OSBPL5: variants seen among roughly 807,000 people sequenced by gnomAD.
The protein encoded by OSBPL5 is oxysterol binding protein like 5, also known as oxysterol-binding protein-related protein 5.
Under a neutral mutation model 111.2 loss-of-function variants are expected in OSBPL5, and 71 were observed. That is an observed-to-expected ratio of 0.64 (90% CI 0.53 to 0.78). The LOEUF is 0.78. Among genes scored for constraint, OSBPL5 ranks in the 30% least tolerant of loss-of-function variants. OSBPL5 has a pLI of 0.00. For missense variants in OSBPL5, 1,210 were observed against 1,189.3 expected, an observed-to-expected ratio of 1.02 and a Z score of -0.26; for synonymous variants, 549 against 513.9, an observed-to-expected ratio of 1.07 and a Z score of -0.93.
chr11:3,103,818 GCGCAGCCCCC>G (rs1564830441), intron 10 of OSBPL5, among the ~76,000 whole-genome samples: 28 of 26,026 alleles, frequency 1.1e-3, no homozygotes, highest in African/African-American at 2.2e-3. Context: ...CTTCCTGCCT[GCGCAGCCCCC>G]TTCCAGCCTC....
intron 19 of OSBPL5, among the ~76,000 whole-genome samples, chr11:3,091,706 G>A (rs1040448896): frequency 1.3e-5 from 2 of 152,182 alleles, no homozygotes; most frequent in Non-Finnish European, 2.9e-5. Flanking sequence ...TCCCTTGGCA[G>A]GCAGAGCATG....
chr11:3,125,963 C>T (rs1858608743), intron 3 of OSBPL5, among the ~76,000 whole-genome samples: 1 of 152,174 alleles, frequency 6.6e-6, no homozygotes, highest in African/African-American at 2.4e-5. Flanking sequence ...GCCTGGGTGA[C>T]AGAGGGAGAC....
In OSBPL5 at chr11:3,094,289, G is replaced by C; in HGVS notation, c.1667C>G (p.Thr556Ser). 3.1e-6 allele frequency: 5 copies of C among 1,613,610 alleles called. No homozygotes were observed. Among genetic ancestry groups the C allele is most frequent in the Non-Finnish European group, 4.2e-6 (5 of 1,179,990 alleles). ...GAAGTTGTTCTTCGCACACTCGATGGTGACCTTCCCACCCAGCTCCAGGGT... is the reference window on the plus strand; with the variant it reads ...GAAGTTGTTCTTCGCACACTCGATGCTGACCTTCCCACCCAGCTCCAGGGT... ...TMTLELGGKVTIECAKNNFQA... is the reference protein window; with the variant it reads ...TMTLELGGKVSIECAKNNFQA... Residue 556 changes from threonine (T) to serine (S), a missense_variant, in exon 15 of 22, where the codon ACC becomes AGC. Physicochemically the swap from Thr to Ser is moderately conservative, Grantham distance 58. Transcript: ENST00000263650.
rs1846989333 is a variant in OSBPL5 at position 3,162,305 on chromosome 11, G to A, written c.-22+2911C>T. ...GAGGTGGGCTGGGAGGCCGAGCAAAGCATTTGCTCTCAGCCTGGGTGGCTC... is the reference window on the plus strand; with the variant it reads ...GAGGTGGGCTGGGAGGCCGAGCAAAACATTTGCTCTCAGCCTGGGTGGCTC... On this transcript the variant is annotated intron_variant, in intron 1 of 21. Transcript: ENST00000263650. The surrounding 1 kb of genome is among the most constrained non-coding windows in gnomAD (Gnocchi z 8.1). 1.3e-5 allele frequency among the ~76,000 whole-genome samples: 2 copies of A among 152,036 alleles called. No individual in the cohort carries two copies. The highest frequency in any genetic ancestry group is 1.3e-4 in the Admixed American group (2 of 15,272).
At chr11:3,093,353 C>A in intron 17 of OSBPL5, 174 bp downstream of exon 17, 1 of 1,065,156 alleles carries the variant, frequency 9.4e-7, no homozygotes, top group Non-Finnish European at 1.3e-6. Flanking sequence ...CACACCCCTT[C>A]CCTCCATCTG....
At chr11:3,100,971 CTTT>C (rs1196891233) in intron 13 of OSBPL5, among the ~76,000 whole-genome samples, 3 of 123,428 alleles carry the variant, frequency 2.4e-5, no homozygotes, top group African/African-American at 3.0e-5. Flanking sequence ...AGTTTCATTT[CTTT>C]TTTTTTTTTT....
At position 3,088,305 on chromosome 11, in the gene OSBPL5, G is replaced by T. The variant is rs746868098; in HGVS notation, c.2540C>A (p.Ala847Glu). 1 of 1,603,070 alleles carries T rather than the reference G, an allele frequency of 6.2e-7. No homozygotes were observed. The highest frequency in any genetic ancestry group is 1.7e-5 in the Admixed American group (1 of 58,792). ...CAGGAGGCCTGGGGTCGGTGCCTGT[G>T]CTGCCCGTGCCGTGGAGCTCAGCAT... is the stretch of plus-strand genomic sequence containing the variant. ...SAMLSSTARA[A>E]QAPTPGLLQS... Residue 847 changes from alanine (A) to glutamate (E), a missense_variant, in exon 22 of 22, where the codon GCA becomes GAA. Ala to Glu is a moderately radical substitution (Grantham distance 107). Coordinates refer to ENST00000263650, the MANE Select transcript of OSBPL5 (RefSeq NM_020896.4).
In OSBPL5 at chr11:3,100,219, C is replaced by A. The variant is rs1377927095; in HGVS notation, c.1560G>T (p.Thr520=). The change falls in exon 14 of 22, where the codon ACG becomes ACT. Residue 520 remains threonine (T), a synonymous_variant. Coordinates refer to ENST00000263650, the MANE Select transcript of OSBPL5 (RefSeq NM_020896.4). ...CCTCGGCTCGGTTCAGGAAGGTGAG[C>A]GTGGCTTTGCCGTCCAGCAGCGCCG... ...SLSALLDGKA[T]LTFLNRAEDY... is the part of the protein sequence containing the mutation. 1 of 1,613,978 alleles carries A rather than the reference C, an allele frequency of 6.2e-7. No individual in the cohort carries two copies. The highest frequency in any genetic ancestry group is 1.1e-5 in the South Asian group (1 of 91,090).
At position 3,126,646 on chromosome 11, in the gene OSBPL5, G is replaced by A; in HGVS notation, c.137-91C>T. 1 of 1,146,374 alleles carries A rather than the reference G, an allele frequency of 8.7e-7. No homozygotes were observed. Among genetic ancestry groups the A allele is most frequent in the South Asian group, 1.5e-5 (1 of 65,982 alleles). The allele number at this position is 1,146,374 out of a possible 1,614,324, so 71.0% of individuals were successfully genotyped here. The stretch of plus-strand genomic sequence containing the variant: ...CCTGGTGTGAGGCAGGCGAAGCGTG[G>A]GTGCGGATGACCTGGGAGGGGCAGG... On this transcript the variant is annotated intron_variant, in intron 2 of 21. Transcript: ENST00000263650. The surrounding 1 kb of genome is among the most constrained non-coding windows in gnomAD (Gnocchi z 6.5).
chr11:3,102,848 A>T (rs1397151859), intron 11 of OSBPL5, among the ~76,000 whole-genome samples: 4 of 152,134 alleles, frequency 2.6e-5, no homozygotes, highest in Non-Finnish European at 5.9e-5. Flanking sequence ...TGGGGTTCTA[A>T]AAGGGGTTTC....
At chr11:3,125,710 CA>C (rs1447914687) in intron 3 of OSBPL5, among the ~76,000 whole-genome samples, 2 of 149,554 alleles carry the variant, frequency 1.3e-5, no homozygotes, top group Non-Finnish European at 2.9e-5. Context: ...GAGGCTGAGG[CA>C]GGGGCATGGT....
At position 3,092,264 on chromosome 11, in the gene OSBPL5, C is replaced by T. The variant is rs1365618424; in HGVS notation, c.2259+168G>A. Among the ~76,000 whole-genome samples the T allele has an allele frequency of 6.6e-6, 1 of 152,156 alleles. No homozygotes were observed. Among genetic ancestry groups the T allele is most frequent in the Non-Finnish European group, 1.5e-5 (1 of 68,026 alleles). On this transcript the variant is annotated intron_variant, in intron 19 of 21. Coordinates refer to ENST00000263650, the MANE Select transcript of OSBPL5 (RefSeq NM_020896.4). This position sits in a 1 kb window ranked among gnomAD's most constrained non-coding sequence, Gnocchi z 5.4. ...CTGAGCATCCTGCAAATCCCGGTTT[C>T]CTGAGTCCCATGCTCGGCAGAGAAG...
In OSBPL5 at chr11:3,126,979, C is replaced by A. The variant is rs1028967565; in HGVS notation, c.137-424G>T. ...CCTGGCTGGATGCTGCCGGCCCCTG[C>A]GTGCTGGGCTCTTGCTGGGAGGTGG... On this transcript the variant is annotated intron_variant, in intron 2 of 21. Coordinates refer to ENST00000263650, the MANE Select transcript of OSBPL5 (RefSeq NM_020896.4). This position sits in a 1 kb window ranked among gnomAD's most constrained non-coding sequence, Gnocchi z 6.5. Among the ~76,000 whole-genome samples, 11 of 152,182 alleles carry A rather than the reference C, an allele frequency of 7.2e-5. No homozygotes were observed. Among genetic ancestry groups the A allele is most frequent in the African/African-American group, 2.7e-4 (11 of 41,444 alleles).
At chr11:3,144,685 T>C (rs1302743928) in intron 1 of OSBPL5, among the ~76,000 whole-genome samples, 1 of 152,236 alleles carries the variant, frequency 6.6e-6, no homozygotes, top group African/African-American at 2.4e-5. Flanking sequence ...GGAACATTTT[T>C]ATAATGGGAA....
chr11:3,128,759 C>T (rs1237550521), intron 2 of OSBPL5, among the ~76,000 whole-genome samples: 1 of 152,194 alleles, frequency 6.6e-6, no homozygotes, highest in African/African-American at 2.4e-5. Context: ...TGACTGCACT[C>T]CATAACTCCC....
At chr11:3,135,972 C>T (rs1424823248) in intron 1 of OSBPL5, among the ~76,000 whole-genome samples, 1 of 152,224 alleles carries the variant, frequency 6.6e-6, no homozygotes, top group African/African-American at 2.4e-5. Context: ...CAGGCTCTTC[C>T]TTCCATTTCT....
At position 3,130,369 on chromosome 11, in the gene OSBPL5, C is replaced by G. The variant is rs940960164; in HGVS notation, c.-21-1200G>C. On this transcript the variant is annotated intron_variant, in intron 1 of 21. Transcript: ENST00000263650. This position sits in a 1 kb window ranked among gnomAD's most constrained non-coding sequence, Gnocchi z 4.5. ...CAGTGGCATCCTGCCAAGCCCGGGACAAAGGCCTCGATTTCTCCCATGGTC... is the reference window on the plus strand; with the variant it reads ...CAGTGGCATCCTGCCAAGCCCGGGAGAAAGGCCTCGATTTCTCCCATGGTC... 1.3e-5 allele frequency among the ~76,000 whole-genome samples: 2 copies of G among 152,228 alleles called. No individual in the cohort carries two copies. Among genetic ancestry groups the G allele is most frequent in the Non-Finnish European group, 2.9e-5 (2 of 68,032 alleles).
At chr11:3,131,876 T>TCCAC in intron 1 of OSBPL5, among the ~76,000 whole-genome samples, 1 of 138,222 alleles carries the variant, frequency 7.2e-6, no homozygotes, top group Non-Finnish European at 1.6e-5. Context: ...CATCCATCCA[T>TCCAC]CCACCCATCC....
intron 13 of OSBPL5, 24 bp from the exon 14 acceptor site, chr11:3,100,280 A>G (rs769719246): frequency 3.7e-6 from 6 of 1,608,540 alleles, no homozygotes; most frequent in Admixed American, 1.7e-5. Context: ...AGACAGCAGG[A>G]CCAGTGAGTG....
Sources: gnomAD v4.1 joint callset for allele counts (sites outside exome capture counted in the v4.1 genomes callset) on GRCh38, gnomAD v4.1.1 for gene constraint, Gnocchi (gnomAD v3.1) non-coding constraint, MANE v1.5 for transcripts, NCBI Gene and HGNC (gene_info 2026-07-23, HGNC 2026-07-21) for gene names.